Variants in FOXP2 observed in about 807,000 individuals in gnomAD.
The protein encoded by FOXP2 is forkhead box protein P2.
A neutral mutation model predicts 115.8 loss-of-function variants in FOXP2; 12 were observed. The observed-to-expected ratio is 0.10, with a 90% CI of 0.07 to 0.17. FOXP2 has a LOEUF of 0.17. Ranked by LOEUF, FOXP2 falls within the 10% of genes least tolerant of loss-of-function variation. The pLI is 1.00. For synonymous variants in FOXP2, 328 were observed against 297.7 expected (o/e 1.10, Z -1.05); for missense variants, 629 against 843.5 (o/e 0.75, Z 3.15).
intron 1 of FOXP2, among the ~76,000 whole-genome samples, chr7:114,167,953 A>C (rs968862112): frequency 1.3e-5 from 2 of 151,458 alleles, no homozygotes; most frequent in African/African-American, 4.8e-5. Flanking sequence ...AAAAAAAAAA[A>C]ACACGAGAGT....
At chr7:114,656,751 G>A (rs1806613920) in intron 10 of FOXP2, among the ~76,000 whole-genome samples, 1 of 152,052 alleles carries the variant, frequency 6.6e-6, no homozygotes, top group African/African-American at 2.4e-5. Context: ...TGCTGCCCAA[G>A]AAAGAAGAAC....
intron 2 of FOXP2, among the ~76,000 whole-genome samples, chr7:114,288,594 T>C (rs1473313657): frequency 1.3e-5 from 2 of 151,818 alleles, no homozygotes; most frequent in Non-Finnish European, 2.9e-5. Context: ...ATTTTTCTAA[T>C]ACAATTTTTG....
At chr7:114,455,916 T>TA (rs1795294634) in intron 2 of FOXP2, among the ~76,000 whole-genome samples, 1 of 152,158 alleles carries the variant, frequency 6.6e-6, no homozygotes, top group Non-Finnish European at 1.5e-5. Flanking sequence ...GTTTTATTGA[T>TA]ACAGGCAATG....
At chr7:114,537,950 A>G (rs1166936112) in intron 3 of FOXP2, among the ~76,000 whole-genome samples, 1 of 151,700 alleles carries the variant, frequency 6.6e-6, no homozygotes, top group African/African-American at 2.4e-5. Flanking sequence ...TGTATACCAG[A>G]AAACATATCC....
At chr7:114,302,717 T>A (rs1013790535) in intron 2 of FOXP2, among the ~76,000 whole-genome samples, 1 of 152,132 alleles carries the variant, frequency 6.6e-6, no homozygotes, top group African/African-American at 2.4e-5. Flanking sequence ...GATAGAATAA[T>A]CATTCCATAA....
At chr7:114,186,951 A>G (rs1793622921) in intron 1 of FOXP2, among the ~76,000 whole-genome samples, 1 of 152,168 alleles carries the variant, frequency 6.6e-6, no homozygotes, top group Admixed American at 6.5e-5. Context: ...AGGAATGCTG[A>G]GGTCCTGCAG....
At chr7:114,594,209 A>G (rs1407500587) in intron 3 of FOXP2, among the ~76,000 whole-genome samples, 1 of 152,024 alleles carries the variant, frequency 6.6e-6, no homozygotes, top group Non-Finnish European at 1.5e-5. Context: ...CCTTCATACA[A>G]TGAAGTATAG....
intron 3 of FOXP2, among the ~76,000 whole-genome samples, chr7:114,605,565 T>C (rs1466482272): frequency 6.6e-6 from 1 of 152,170 alleles, no homozygotes; most frequent in Non-Finnish European, 1.5e-5. Flanking sequence ...AAATAATTTA[T>C]TGCTAATCCA....
chr7:114,631,697 T>C lies in FOXP2; in HGVS notation c.767T>C (p.Leu256Pro). ...PGQAALPVQS[L>P]PQAGLSPAEI... ...CAGGCAGCACTTCCTGTCCAATCGC[T>C]GCCTCAAGGTACATACAAAATGTTG... The change falls in exon 6 of 17, where the codon CTG becomes CCG. Residue 256 changes from leucine to proline, a missense_variant. Transcript: ENST00000350908. The C allele has an allele frequency of 1.2e-6, 2 of 1,614,068 alleles. No homozygotes were observed. The highest frequency in any genetic ancestry group is 1.7e-5 in the Admixed American group (1 of 60,008).
intron 3 of FOXP2, among the ~76,000 whole-genome samples, chr7:114,619,952 A>G (rs1316762847): frequency 6.6e-6 from 1 of 152,102 alleles, no homozygotes; most frequent in Non-Finnish European, 1.5e-5. Flanking sequence ...ATGTCATTGC[A>G]TATGTCATTT....
At chr7:114,143,182 A>ATAG (rs1346989508) in intron 1 of FOXP2, among the ~76,000 whole-genome samples, 1 of 149,588 alleles carries the variant, frequency 6.7e-6, no homozygotes, top group Non-Finnish European at 1.5e-5. Context: ...AATAATAATA[A>ATAG]TAATAGCCTA....
At chr7:114,301,354 A>G (rs1796875442) in intron 2 of FOXP2, among the ~76,000 whole-genome samples, 2 of 152,138 alleles carry the variant, frequency 1.3e-5, no homozygotes. Flanking sequence ...AGTTTCACAA[A>G]TATTTGGAGA....
chr7:114,494,698 A>C (rs1202532906), intron 2 of FOXP2, among the ~76,000 whole-genome samples: 1 of 152,192 alleles, frequency 6.6e-6, no homozygotes, highest in East Asian at 1.9e-4. Context: ...AAAATTAATA[A>C]TATTGCAAAT....
At chr7:114,322,093 G>A (rs992292545) in intron 2 of FOXP2, among the ~76,000 whole-genome samples, 22 of 149,772 alleles carry the variant, frequency 1.5e-4, no homozygotes, top group African/African-American at 5.4e-4. Context: ...TGCCATCATA[G>A]CTCACTATAG....
At chr7:114,122,714 T>A (rs1791599854) in intron 1 of FOXP2, among the ~76,000 whole-genome samples, 1 of 152,114 alleles carries the variant, frequency 6.6e-6, no homozygotes, top group South Asian at 2.1e-4. Flanking sequence ...TAAAAAATTT[T>A]ATAAACATTT....
chr7:114,270,825 C>T (rs1400866083), intron 1 of FOXP2, among the ~76,000 whole-genome samples: 1 of 152,006 alleles, frequency 6.6e-6, no homozygotes, highest in Admixed American at 6.6e-5. Flanking sequence ...TTAATGAAGT[C>T]CACTTTATCA....
intron 2 of FOXP2, among the ~76,000 whole-genome samples, chr7:114,449,390 C>G (rs1233561792): frequency 6.6e-6 from 1 of 151,980 alleles, no homozygotes; most frequent in African/African-American, 2.4e-5. Flanking sequence ...ACTTTTACTT[C>G]ACAATTATAT....
At chr7:114,494,109 G>C (rs551477786) in intron 2 of FOXP2, among the ~76,000 whole-genome samples, 1 of 152,032 alleles carries the variant, frequency 6.6e-6, no homozygotes, top group East Asian at 1.9e-4. Context: ...TAAATGTCAA[G>C]AGATATACAT....
intron 2 of FOXP2, among the ~76,000 whole-genome samples, chr7:114,471,450 G>A (rs371917422): frequency 1.2e-3 from 179 of 152,106 alleles, no homozygotes; most frequent in African/African-American, 3.8e-3. Context: ...CTGTGTCTTT[G>A]TCCATCTATT....
Sources: allele counts gnomAD v4.1 joint callset (sites outside exome capture counted in the v4.1 genomes callset), GRCh38; gene constraint gnomAD v4.1.1; transcripts MANE v1.5; gene names NCBI Gene and HGNC (gene_info 2026-07-23, HGNC 2026-07-21).